The following RPP30 variants were observed in gnomAD, a reference collection of about 807,000 sequenced individuals.
RPP30 encodes ribonuclease P protein subunit p30.
Under a neutral mutation model 38.6 loss-of-function variants are expected in RPP30, and 36 were observed. The observed-to-expected ratio is 0.93, with a 90% CI of 0.71 to 1.23. The LOEUF is 1.23. Ranked by LOEUF, RPP30 falls within the 50% of genes most tolerant of loss-of-function variation. RPP30 has a pLI of 0.00. For missense variants in RPP30, 321 were observed against 321.7 expected, an observed-to-expected ratio of 1.00 and a Z score of 0.02; for synonymous variants, 126 against 112.7, an observed-to-expected ratio of 1.12 and a Z score of -0.75.
intron 9 of RPP30, 136 bp downstream of exon 9, chr10:90,896,053 T>A: frequency 1.4e-6 from 1 of 690,828 alleles, no homozygotes; most frequent in Non-Finnish European, 2.4e-6. Flanking sequence ...AAAAATAAAT[T>A]ATATAACATT....
At position 90,891,378 on chromosome 10, in the gene RPP30, T is replaced by C. The variant is rs556679160; in HGVS notation, c.433-3397T>C. Reference sequence around the variant, plus strand: ...CTCATAAGACACCAGTCATATTGGATTAGGGGCCTACCCTATTCCAATCTG... The same window carrying C: ...CTCATAAGACACCAGTCATATTGGACTAGGGGCCTACCCTATTCCAATCTG... On this transcript the variant is annotated intron_variant, in intron 6 of 10. Transcript: ENST00000371703. Among the ~76,000 whole-genome samples the C allele has an allele frequency of 3.9e-5, 6 of 152,326 alleles. 1 individual carries two copies. The South Asian group carries it at 1.2e-3, about 32-fold the overall frequency.
chr10:90,896,335 G>T lies in RPP30; in HGVS notation c.640G>T (p.Glu214Ter). ...AAGAGGCTTGCTGTTTGGGCTCTCT[G>T]AAAGTGACGCCAAGGCTGCGGTGTC... The part of the protein sequence containing the change: ...ANLGLLFGLS[E>*]SDAKAAVSTN... Residue 214 changes from glutamate to a stop codon, truncating the protein, a stop_gained, in exon 10 of 11, where the codon GAA becomes TAA. Coordinates refer to ENST00000371703, the MANE Select transcript of RPP30 (RefSeq NM_006413.5). LOFTEE classifies it high-confidence loss of function. 1 of 1,614,140 alleles carries T rather than the reference G, an allele frequency of 6.2e-7. No homozygotes were observed. Among genetic ancestry groups the T allele is most frequent in the Non-Finnish European group, 8.5e-7 (1 of 1,179,976 alleles).
chr10:90,894,701 G>A (rs1847119609), intron 6 of RPP30, 74 bp from the exon 7 acceptor site: 8 of 1,046,508 alleles, frequency 7.6e-6, no homozygotes, highest in Non-Finnish European at 1.2e-5. Context: ...GGAGGGATGT[G>A]AAGAGAGAAT....
chr10:90,875,011 A>G (rs887739711), intron 2 of RPP30, 87 bp downstream of exon 2: 1 of 796,874 alleles, frequency 1.3e-6, no homozygotes. Context: ...TACAGATTAG[A>G]ATATTTCTTA....
intron 4 of RPP30, among the ~76,000 whole-genome samples, chr10:90,876,369 T>TG (rs1236568367): frequency 6.6e-6 from 1 of 152,176 alleles, no homozygotes; most frequent in African/African-American, 2.4e-5. Context: ...AGGTGGGTGC[T>TG]GGGGGGTATT....
chr10:90,879,279 G>A, intron 5 of RPP30, 145 bp downstream of exon 5: 2 of 603,734 alleles, frequency 3.3e-6, no homozygotes, highest in Non-Finnish European at 5.7e-6. Context: ...AACCCCATAA[G>A]GGTATATATA....
At chr10:90,875,417 G>T in intron 2 of RPP30, 141 bp from the exon 3 acceptor site, 5 of 637,424 alleles carry the variant, frequency 7.8e-6, no homozygotes, top group East Asian at 2.9e-5. Flanking sequence ...ATTTTTAAAA[G>T]TTTTTTTGAA....
Position 90,901,988 on chromosome 10 carries a change from G to A in RPP30, c.*1309G>A, listed in dbSNP as rs536979940. 2.0e-5 allele frequency: 8 copies of A among 399,384 alleles called. No individual in the cohort carries two copies. The highest frequency in any genetic ancestry group is 2.4e-5 in the Non-Finnish European group (7 of 295,004). 24.7% of individuals were successfully genotyped at this position (399,384 alleles called of 1,614,324 possible). Reference sequence around the variant, plus strand: ...CGCTCGCCATGTATTTAGCAGAGACGGGGTTTCACCGTGTTAGCCAGGATG... The same window carrying A: ...CGCTCGCCATGTATTTAGCAGAGACAGGGTTTCACCGTGTTAGCCAGGATG... On this transcript the variant is annotated 3_prime_UTR_variant, in exon 11 of 11. Transcript: ENST00000371703.
chr10:90,880,599 G>T (rs1348965791), intron 5 of RPP30, among the ~76,000 whole-genome samples: 1 of 152,060 alleles, frequency 6.6e-6, no homozygotes, highest in Non-Finnish European at 1.5e-5. Flanking sequence ...ATGGTGGCAC[G>T]CTCGCAGCTA....
intron 6 of RPP30, among the ~76,000 whole-genome samples, chr10:90,892,714 A>G (rs1422245074): frequency 2.0e-5 from 3 of 152,218 alleles, no homozygotes; most frequent in Non-Finnish European, 4.4e-5. Flanking sequence ...CTCTTCAGCT[A>G]ATTAGTAGTT....
In RPP30 at chr10:90,875,564, G is replaced by A. The variant is rs372840568; in HGVS notation, c.145G>A (p.Glu49Lys). Reference protein sequence around the residue: ...VDFKEKKQEIEKPVAVSELFT... With the variant: ...VDFKEKKQEIKKPVAVSELFT... ...TATTTATCGTTTGTTGTAGGAAATT[G>A]AAAAACCAGTAGCTGTTTCTGAACT... The change falls in exon 3 of 11, where the codon GAA becomes AAA. Residue 49 changes from glutamate to lysine, a missense_variant. Glu to Lys is a moderately conservative substitution (Grantham distance 56). Transcript: ENST00000371703. 1.2e-6 allele frequency: 2 copies of A among 1,613,098 alleles called. No homozygotes were observed. Among genetic ancestry groups the A allele is most frequent in the African/African-American group, 1.3e-5 (1 of 74,878 alleles).
chr10:90,874,989 TA>T, intron 2 of RPP30, 65 bp downstream of exon 2: 1 of 1,030,638 alleles, frequency 9.7e-7, no homozygotes, highest in Non-Finnish European at 1.4e-6. Flanking sequence ...TTTGTATTGG[TA>T]ATTTGGAAGC....
intron 1 of RPP30, among the ~76,000 whole-genome samples, chr10:90,873,964 C>T (rs1249926031): frequency 1.3e-5 from 2 of 152,126 alleles, no homozygotes; most frequent in South Asian, 2.1e-4. Context: ...TATTTGCCTT[C>T]GTTCTCCAAC....
At chr10:90,875,684 A>C in intron 3 of RPP30, 70 bp downstream of exon 3, 1 of 1,327,442 alleles carries the variant, frequency 7.5e-7, no homozygotes, top group Non-Finnish European at 1.1e-6. Flanking sequence ...TTATTGTGCT[A>C]TTCTCTAGCT....
chr10:90,882,364 A>T (rs1846940219), intron 5 of RPP30, among the ~76,000 whole-genome samples: 1 of 152,174 alleles, frequency 6.6e-6, no homozygotes, highest in African/African-American at 2.4e-5. Flanking sequence ...CACAAAACAG[A>T]TCTTAAGATA....
In RPP30 at chr10:90,876,049, T is replaced by C. The variant is rs1163038130; in HGVS notation, c.221T>C (p.Leu74Ser). 2 of 1,571,646 alleles carry C rather than the reference T, an allele frequency of 1.3e-6. No individual in the cohort carries two copies. The highest frequency in any genetic ancestry group is 1.8e-6 in the Non-Finnish European group (2 of 1,141,724). Residue 74 changes from leucine (L) to serine (S), a missense_variant, in exon 4 of 11, where the codon TTA (leucine) becomes TCA (serine). Transcript: ENST00000371703. ...GGAAAATCAAGACCAATTAAAATTT[T>C]AACTAGATTAACAATTATTGTCTCG... Reference protein sequence around the residue: ...VQGKSRPIKILTRLTIIVSDP... With the variant: ...VQGKSRPIKISTRLTIIVSDP...
intron 10 of RPP30, among the ~76,000 whole-genome samples, chr10:90,896,760 T>C (rs1847143352): frequency 6.6e-6 from 1 of 152,162 alleles, no homozygotes; most frequent in African/African-American, 2.4e-5. Context: ...AAATATGTGT[T>C]AAACTATTTA....
chr10:90,884,673 A>G (rs1348530040), intron 5 of RPP30, among the ~76,000 whole-genome samples: 5 of 152,146 alleles, frequency 3.3e-5, no homozygotes, highest in African/African-American at 1.2e-4. Context: ...TCTACTTCCT[A>G]AAGCCCTGGG....
At chr10:90,875,533 A>G in intron 2 of RPP30, 25 bp from the exon 3 acceptor site, 1 of 1,597,492 alleles carries the variant, frequency 6.3e-7, no homozygotes, top group Non-Finnish European at 8.6e-7. Context: ...TACAATCTGC[A>G]GTAACTATTT....
Sources: allele counts gnomAD v4.1 joint callset (sites outside exome capture counted in the v4.1 genomes callset), GRCh38; gene constraint gnomAD v4.1.1; transcripts MANE v1.5; gene names NCBI Gene and HGNC (gene_info 2026-07-23, HGNC 2026-07-21).